Variants in ANGPTL2 observed in about 807,000 individuals in gnomAD.
ANGPTL2 encodes angiopoietin like 2.
A neutral mutation model predicts 52.8 loss-of-function variants in ANGPTL2; 25 were observed. The observed-to-expected ratio is 0.47, with a 90% CI of 0.35 to 0.66. The LOEUF (loss-of-function observed/expected upper bound fraction) is 0.66, where lower values mean the gene tolerates loss of function less well. Among genes scored for constraint, ANGPTL2 ranks in the 30% least tolerant of loss-of-function variants. ANGPTL2 has a pLI of 0.01. For synonymous variants in ANGPTL2, 276 were observed against 277.4 expected, an observed-to-expected ratio of 1.00 and a Z score of 0.05; for missense variants, 546 against 656.9, an observed-to-expected ratio of 0.83 and a Z score of 1.84.
intron 2 of ANGPTL2, among the ~76,000 whole-genome samples, chr9:127,106,258 CA>C (rs36083212): frequency 0.37 from 56,482 of 151,686 alleles, 12,278 homozygotes; most frequent in Non-Finnish European, 0.48. Flanking sequence ...TGCCCAAGGG[CA>C]CGTTTTACCC....
chr9:127,096,633 T>A (rs2053173379), intron 2 of ANGPTL2, among the ~76,000 whole-genome samples: 1 of 152,218 alleles, frequency 6.6e-6, no homozygotes, highest in South Asian at 2.1e-4. Context: ...CAAGGGCTCT[T>A]TTTAAAGGCA....
intron 2 of ANGPTL2, among the ~76,000 whole-genome samples, chr9:127,104,977 C>T (rs1470649156): frequency 1.3e-5 from 2 of 152,152 alleles, no homozygotes; most frequent in South Asian, 2.1e-4. Context: ...TCATTGGATG[C>T]CCTGACTGTT....
chr9:127,089,110 G>A lies in ANGPTL2; in HGVS notation c.1311C>T (p.Gly437=). Residue 437 remains glycine, a synonymous_variant, in exon 5 of 5, where the codon GGC becomes GGT. Transcript: ENST00000373425. ...AGTGGGCACAGGCGTTATACCACCAGCCTCCCTTCTGGTAGTGGGCACAGT... is the reference window on the plus strand; with the variant it reads ...AGTGGGCACAGGCGTTATACCACCAACCTCCCTTCTGGTAGTGGGCACAGT... ...TGNCAHYQKG[G]WWYNACAHSN... is the part of the protein sequence containing the mutation. 2 of 1,614,208 alleles carry A rather than the reference G, an allele frequency of 1.2e-6. No homozygotes were observed. Among genetic ancestry groups the A allele is most frequent in the South Asian group, 2.2e-5 (2 of 91,082 alleles).
Position 127,088,054 on chromosome 9 carries a change from G to T in ANGPTL2, c.*885C>A, listed in dbSNP as rs2051982494. 1 of 152,756 alleles carries T rather than the reference G, an allele frequency of 6.5e-6. No individual in the cohort carries two copies. The highest frequency in any genetic ancestry group is 2.1e-4 in the South Asian group (1 of 4,816). The allele number at this position is 152,756 out of a possible 1,614,324, so 9.5% of individuals were successfully genotyped here. On this transcript the variant is annotated 3_prime_UTR_variant, in exon 5 of 5. Coordinates refer to ENST00000373425, the MANE Select transcript of ANGPTL2 (RefSeq NM_012098.3). ...CTCAGAAGCTGAGGAATCTCGCCTGGAAAGAAGGGGCTGTGCGACAGAAAA... is the reference window on the plus strand; with the variant it reads ...CTCAGAAGCTGAGGAATCTCGCCTGTAAAGAAGGGGCTGTGCGACAGAAAA...
Position 127,088,871 on chromosome 9 carries a change from T to G in ANGPTL2, c.*68A>C. 6.3e-7 allele frequency: 1 copy of G among 1,580,670 alleles called. No homozygotes were observed. The highest frequency in any genetic ancestry group is 8.7e-7 in the Non-Finnish European group (1 of 1,151,252). ...TGAACTGGTGAGGAGTTGTTCTTTG[T>G]GCTGTGGCCAGCGTGACCAGGGTGG... On this transcript the variant is annotated 3_prime_UTR_variant, in exon 5 of 5. Coordinates refer to ENST00000373425, the MANE Select transcript of ANGPTL2 (RefSeq NM_012098.3).
chr9:127,095,328 G>A lies in ANGPTL2; in HGVS notation c.818-1402C>T, dbSNP rs144045163. Among the ~76,000 whole-genome samples the A allele has an allele frequency of 7.8e-3, 1,193 of 152,284 alleles. 23 individuals carry two copies. The highest frequency in any genetic ancestry group is 0.027 in the African/African-American group (1,126 of 41,542). On this transcript the variant is annotated intron_variant, in intron 2 of 4. Transcript: ENST00000373425. The stretch of plus-strand genomic sequence containing the variant: ...CAGGAGAATCCCTTGAATCCAGGAG[G>A]TGGAGGTTGCAGTGAGCTGAGATGG...
chr9:127,120,562 G>A (rs1029085781), intron 1 of ANGPTL2, among the ~76,000 whole-genome samples: 2 of 152,204 alleles, frequency 1.3e-5, no homozygotes, highest in South Asian at 2.1e-4. Context: ...AGTGGCTCAC[G>A]CCTGCAATCC....
intron 1 of ANGPTL2, among the ~76,000 whole-genome samples, chr9:127,109,365 T>C (rs752472038): frequency 5.9e-5 from 9 of 152,240 alleles, no homozygotes; most frequent in African/African-American, 9.6e-5. Context: ...TTTGGGCAAA[T>C]ATTTGATAAA....
In ANGPTL2 at chr9:127,091,968, G is replaced by T; in HGVS notation, c.1012-28C>A. 1 of 1,606,924 alleles carries T rather than the reference G, an allele frequency of 6.2e-7. No homozygotes were observed. The stretch of plus-strand genomic sequence containing the variant: ...GGGGAAAACCCAGGAGAGTGTTAAT[G>T]TGGAGCCTGCAGCACCTGCAGCCAG... On this transcript the variant is annotated intron_variant, in intron 3 of 4. Coordinates refer to ENST00000373425, the MANE Select transcript of ANGPTL2 (RefSeq NM_012098.3). This position sits in a 1 kb window ranked among gnomAD's most constrained non-coding sequence, Gnocchi z 4.3.
chr9:127,113,524 C>T (rs2055077603), intron 1 of ANGPTL2, among the ~76,000 whole-genome samples: 1 of 150,142 alleles, frequency 6.7e-6, no homozygotes, highest in Admixed American at 6.6e-5. Flanking sequence ...CCCGGCATTC[C>T]AGCCATCTTA....
rs373723019 is a variant in ANGPTL2, at chr9:127,093,714, A to G, written c.1011+19T>C. The G allele has an allele frequency of 8.7e-6, 14 of 1,612,974 alleles. No homozygotes were observed. Among genetic ancestry groups the G allele is most frequent in the Middle Eastern group, 1.6e-4 (1 of 6,080 alleles). On this transcript the variant is annotated intron_variant, in intron 3 of 4. Transcript: ENST00000373425. ...CAGTCACCTTGTGGGCAGCACAGACATCCCCTGCCGAGTCTCACCTTGTAC... is the reference window on the plus strand; with the variant it reads ...CAGTCACCTTGTGGGCAGCACAGACGTCCCCTGCCGAGTCTCACCTTGTAC...
In ANGPTL2 at chr9:127,108,275, A is replaced by G. The variant is rs1195521352; in HGVS notation, c.457T>C (p.Leu153=). Reference sequence around the variant, plus strand: ...CTGTTCTCCAGCTGGGAGAGCTCCAACGCGTTGTCCCGCTTGCGGATGATC... The same window carrying G: ...CTGTTCTCCAGCTGGGAGAGCTCCAGCGCGTTGTCCCGCTTGCGGATGATC... ...HEIIRKRDNA[L]ELSQLENRIL... Residue 153 remains leucine (L), a synonymous_variant, in exon 2 of 5, where the codon TTG becomes CTG. Transcript: ENST00000373425. 2.5e-6 allele frequency: 4 copies of G among 1,613,680 alleles called. No individual in the cohort carries two copies. Among genetic ancestry groups the G allele is most frequent in the Non-Finnish European group, 3.4e-6 (4 of 1,179,932 alleles).
chr9:127,106,512 A>G (rs2054228154), intron 2 of ANGPTL2, among the ~76,000 whole-genome samples: 1 of 152,212 alleles, frequency 6.6e-6, no homozygotes, highest in Admixed American at 6.5e-5. Flanking sequence ...CACTATTTTA[A>G]TCTATCCTCA....
Position 127,107,975 on chromosome 9 carries a change from G to C in ANGPTL2, c.757C>G (p.Pro253Ala). The C allele has an allele frequency of 6.3e-7, 1 of 1,575,432 alleles. No individual in the cohort carries two copies. Among genetic ancestry groups the C allele is most frequent in the Non-Finnish European group, 8.7e-7 (1 of 1,155,766 alleles). ...AGAGTGGGCATAGTGGGCAGAGGGGGTGGCAGCACCTTCAGGTTCTGGTCA... is the reference window on the plus strand; with the variant it reads ...AGAGTGGGCATAGTGGGCAGAGGGGCTGGCAGCACCTTCAGGTTCTGGTCA... ...QSDQNLKVLP[P>A]PLPTMPTLTS... The change falls in exon 2 of 5, where the codon CCC (proline) becomes GCC (alanine). Residue 253 changes from proline to alanine, a missense_variant. Around this residue, in one of 2 missense-constraint regions of ANGPTL2, gnomAD observed 261 missense variants for 361.0 expected, o/e 0.72. Transcript: ENST00000373425.
intron 2 of ANGPTL2, among the ~76,000 whole-genome samples, chr9:127,097,470 C>G (rs1291373355): frequency 1.3e-5 from 2 of 152,226 alleles, no homozygotes; most frequent in African/African-American, 2.4e-5. Flanking sequence ...CCCTTAGAAC[C>G]CTTAGTAGAC....
chr9:127,097,056 C>G (rs931715667), intron 2 of ANGPTL2, among the ~76,000 whole-genome samples: 1 of 152,208 alleles, frequency 6.6e-6, no homozygotes, highest in Non-Finnish European at 1.5e-5. Context: ...ATGAGGGATC[C>G]ATGCTGACTT....
chr9:127,107,969 G>T lies in ANGPTL2; in HGVS notation c.763C>A (p.Leu255Met). 1 of 1,571,578 alleles carries T rather than the reference G, an allele frequency of 6.4e-7. No homozygotes were observed. ...CTGGTGAGAGTGGGCATAGTGGGCA[G>T]AGGGGGTGGCAGCACCTTCAGGTTC... ...DQNLKVLPPP[L>M]PTMPTLTSLP... Residue 255 changes from leucine to methionine, a missense_variant, in exon 2 of 5, where the codon CTG becomes ATG. Physicochemically the swap from Leu to Met is conservative, Grantham distance 15. Transcript: ENST00000373425.
chr9:127,091,751 G>A lies in ANGPTL2; in HGVS notation c.1201C>T (p.His401Tyr). Residue 401 changes from histidine to tyrosine, a missense_variant, in exon 4 of 5, where the codon CAT (histidine) becomes TAT (tyrosine). His to Tyr is a moderately conservative substitution (Grantham distance 83). Around this residue, in one of 2 missense-constraint regions of ANGPTL2, gnomAD observed 261 missense variants for 361.0 expected, o/e 0.72. Coordinates refer to ENST00000373425, the MANE Select transcript of ANGPTL2 (RefSeq NM_012098.3). The surrounding 1 kb of genome is among the most constrained non-coding windows in gnomAD (Gnocchi z 4.3). The part of the protein sequence containing the change: ...EYYKLRLGRY[H>Y]GNAGDSFTWH... ...GTAAAGGAGTCACCCGCATTGCCAT[G>A]GTAGCGCCCCAGCCGCAGCTTATAA... is the stretch of plus-strand genomic sequence containing the variant. 1 of 1,614,138 alleles carries A rather than the reference G, an allele frequency of 6.2e-7. No homozygotes were observed. Among genetic ancestry groups the A allele is most frequent in the Non-Finnish European group, 8.5e-7 (1 of 1,180,030 alleles).
At chr9:127,096,191 A>ACCTC (rs925555747) in intron 2 of ANGPTL2, among the ~76,000 whole-genome samples, 1 of 151,984 alleles carries the variant, frequency 6.6e-6, no homozygotes, top group African/African-American at 2.4e-5. Context: ...GGGAGGCTAG[A>ACCTC]CCTCCAGAAA....
Sources: gnomAD v4.1 joint callset for allele counts (sites outside exome capture counted in the v4.1 genomes callset) on GRCh38, gnomAD v4.1.1 for gene constraint, gnomAD v4.1.1 regional missense constraint, Gnocchi (gnomAD v3.1) non-coding constraint, MANE v1.5 for transcripts, NCBI Gene and HGNC (gene_info 2026-07-23, HGNC 2026-07-21) for gene names.